C1orf105: variants seen among roughly 807,000 people sequenced by gnomAD.
C1orf105 encodes uncharacterized protein C1orf105.
C1orf105 carries 17 observed loss-of-function variants against 20.8 expected under a neutral mutation model. The ratio of observed to expected loss-of-function variants is 0.82; its 90% CI spans 0.56 to 1.23. The LOEUF is 1.23. Ranked by LOEUF, C1orf105 falls within the 50% of genes most tolerant of loss-of-function variation. The pLI, the probability that C1orf105 is intolerant of heterozygous loss-of-function variation, is 0.00. For synonymous variants in C1orf105, 72 were observed against 72.1 expected, an observed-to-expected ratio of 1.00 and a Z score of 0.01; for missense variants, 219 against 213.5, an observed-to-expected ratio of 1.03 and a Z score of -0.16.
intron 2 of C1orf105, among the ~76,000 whole-genome samples, chr1:172,447,421 G>A (rs555244155): frequency 1.3e-5 from 2 of 152,242 alleles, no homozygotes; most frequent in Non-Finnish European, 2.9e-5. Context: ...CACACTCATC[G>A]TCAGTCTCCA....
chr1:172,453,241 T>C, intron 3 of C1orf105: 1 of 1,530,860 alleles, frequency 6.5e-7, no homozygotes, highest in Non-Finnish European at 8.8e-7. Flanking sequence ...ATGTAAAGTG[T>C]AAAGGGACAG....
At chr1:172,452,962 G>C (rs182362243) in intron 3 of C1orf105, 105 of 1,545,330 alleles carry the variant, frequency 6.8e-5, no homozygotes, top group Non-Finnish European at 9.2e-5. Context: ...AGAAGGGAAT[G>C]CAACAGAAGA....
rs955137840 is a variant in C1orf105 at position 172,462,298 on chromosome 1, A to G, written c.341+53A>G. The G allele has an allele frequency of 4.5e-6, 6 of 1,336,846 alleles. No individual in the cohort carries two copies. In the African/African-American group the frequency reaches 7.4e-5, roughly 17 times the overall value. The allele number at this position is 1,336,846 out of a possible 1,614,324, so 82.8% of individuals were successfully genotyped here. A position where few individuals can be genotyped will look rare whatever the true frequency, so the allele number is the denominator to read the frequency against. On this transcript the variant is annotated intron_variant, in intron 5 of 6. Coordinates refer to ENST00000367727, the MANE Select transcript of C1orf105 (RefSeq NM_139240.4). ...GACTTAATTCTTGTTATGTCTGAGG[A>G]CACAGGAGAGTGGATTGAGAAGCCT...
chr1:172,463,284 T>A (rs1193436799), intron 5 of C1orf105, among the ~76,000 whole-genome samples: 2 of 152,250 alleles, frequency 1.3e-5, no homozygotes, highest in East Asian at 3.8e-4. Context: ...TGTAATCTAA[T>A]GCCCATTTTA....
chr1:172,447,621 C>T (rs1352652199), intron 2 of C1orf105, among the ~76,000 whole-genome samples: 1 of 152,206 alleles, frequency 6.6e-6, no homozygotes, highest in Non-Finnish European at 1.5e-5. Context: ...TTACAGGGCC[C>T]AGGGAAGTGT....
At chr1:172,421,003 G>A in intron 1 of C1orf105, 97 bp downstream of exon 1, 1 of 1,110,970 alleles carries the variant, frequency 9.0e-7, no homozygotes, top group Non-Finnish European at 1.3e-6. Context: ...ATTGAGGGGT[G>A]TTTCAACAGA....
chr1:172,441,524 C>T (rs748706876), intron 1 of C1orf105: 1 of 425,744 alleles, frequency 2.3e-6, no homozygotes, highest in Non-Finnish European at 4.1e-6. Flanking sequence ...TCAAGAGGTC[C>T]CCAGAAAGTT....
chr1:172,467,271 A>G (rs1650133029), intron 6 of C1orf105, among the ~76,000 whole-genome samples: 1 of 152,212 alleles, frequency 6.6e-6, no homozygotes, highest in Admixed American at 6.5e-5. Flanking sequence ...GACTCATCCC[A>G]GTGAACAACA....
Position 172,445,053 on chromosome 1 carries a change from T to C in C1orf105, c.22-20T>C, listed in dbSNP as rs1558134669. The stretch of plus-strand genomic sequence containing the variant: ...TTTAAGTGTGATATATTCTGTAAAA[T>C]GTTCTCTATTTCCCTCTAGGCTTCT... On this transcript the variant is annotated intron_variant, in intron 1 of 6. Coordinates refer to ENST00000367727, the MANE Select transcript of C1orf105 (RefSeq NM_139240.4). 1.3e-6 allele frequency: 2 copies of C among 1,586,278 alleles called. No homozygotes were observed. Among genetic ancestry groups the C allele is most frequent in the Admixed American group, 1.7e-5 (1 of 58,848 alleles).
intron 1 of C1orf105, chr1:172,441,710 A>C: frequency 6.6e-7 from 1 of 1,520,854 alleles, no homozygotes. Context: ...TGCTTTAATA[A>C]TGTAATGGAT....
Position 172,468,437 on chromosome 1 carries a change from A to G in C1orf105, c.407-12A>G. 1 of 1,605,100 alleles carries G rather than the reference A, an allele frequency of 6.2e-7. No homozygotes were observed. The highest frequency in any genetic ancestry group is 8.5e-7 in the Non-Finnish European group (1 of 1,174,540). Reference sequence around the variant, plus strand: ...GTCCTTATCCTTCTTTCCTTCTTGTACTGTCATCCAGAAAGCATTCACTAC... The same window carrying G: ...GTCCTTATCCTTCTTTCCTTCTTGTGCTGTCATCCAGAAAGCATTCACTAC... On this transcript the variant is annotated splice_polypyrimidine_tract_variant and intron_variant, in intron 6 of 6. Coordinates refer to ENST00000367727, the MANE Select transcript of C1orf105 (RefSeq NM_139240.4).
intron 3 of C1orf105, among the ~76,000 whole-genome samples, chr1:172,455,214 C>G (rs888580877): frequency 6.6e-6 from 1 of 152,144 alleles, no homozygotes; most frequent in Non-Finnish European, 1.5e-5. Flanking sequence ...CTCAAACCCC[C>G]CATGATGCAT....
chr1:172,455,347 A>C (rs1456908131), intron 3 of C1orf105, among the ~76,000 whole-genome samples: 3 of 152,044 alleles, frequency 2.0e-5, no homozygotes, highest in Non-Finnish European at 4.4e-5. Flanking sequence ...TGTTCCCCAC[A>C]CTTCCCAGGG....
At chr1:172,453,442 C>T (rs1648887622) in intron 3 of C1orf105, among the ~76,000 whole-genome samples, 1 of 152,214 alleles carries the variant, frequency 6.6e-6, no homozygotes, top group Non-Finnish European at 1.5e-5. Context: ...TGTTGTACTA[C>T]AACACTAATG....
At chr1:172,431,319 C>A (rs1039360268) in intron 1 of C1orf105, 1 of 408,660 alleles carries the variant, frequency 2.4e-6, no homozygotes, top group Non-Finnish European at 4.3e-6. Context: ...ACTAAAAGAG[C>A]CTTACTGTTA....
At position 172,449,773 on chromosome 1, in the gene C1orf105, G is replaced by A. The variant is rs116702019; in HGVS notation, c.198+1242G>A. Among the ~76,000 whole-genome samples, 1,257 of 152,286 alleles carry A rather than the reference G, an allele frequency of 8.3e-3. 13 individuals are homozygous for A. The highest frequency in any genetic ancestry group is 0.027 in the African/African-American group (1,127 of 41,556). On this transcript the variant is annotated intron_variant, in intron 3 of 6. Transcript: ENST00000367727. ...AAGTAGGTAACATGGCCACCATGAC[G>A]TGCACTGGGTAGAGGTGGGGGATGA... is the stretch of plus-strand genomic sequence containing the variant.
intron 4 of C1orf105, among the ~76,000 whole-genome samples, chr1:172,461,817 G>A (rs1355273158): frequency 6.6e-6 from 1 of 151,976 alleles, no homozygotes; most frequent in Non-Finnish European, 1.5e-5. Flanking sequence ...TTTGATCCAG[G>A]AGGCCCTAAG....
At chr1:172,427,526 TTTCTC>T (rs940085467) in intron 1 of C1orf105, among the ~76,000 whole-genome samples, 1 of 152,224 alleles carries the variant, frequency 6.6e-6, no homozygotes, top group African/African-American at 2.4e-5. Flanking sequence ...TGCTGCTAAA[TTTCTC>T]TTCTATTTTC....
intron 4 of C1orf105, among the ~76,000 whole-genome samples, chr1:172,457,300 C>T (rs1649348872): frequency 6.6e-6 from 1 of 152,070 alleles, no homozygotes; most frequent in Non-Finnish European, 1.5e-5. Flanking sequence ...ACTCTGATAT[C>T]CTATAATTCT....
Sources: gnomAD v4.1 joint callset for allele counts (sites outside exome capture counted in the v4.1 genomes callset) on GRCh38, gnomAD v4.1.1 for gene constraint, MANE v1.5 for transcripts, NCBI Gene and HGNC (gene_info 2026-07-23, HGNC 2026-07-21) for gene names.